CALCR: variants seen among roughly 807,000 people sequenced by gnomAD.
CALCR encodes the protein calcitonin receptor.
In CALCR, 47 loss-of-function variants were observed where a neutral mutation model predicts 59.5. That is an observed-to-expected ratio of 0.79 (90% confidence interval 0.63 to 1.01). CALCR has a LOEUF of 1.01. Ranked by LOEUF, CALCR falls within the 50% of genes least tolerant of loss-of-function variation. The probability of loss-of-function intolerance (pLI) is 0.00; values close to 1 mark genes in which losing one functional copy is unlikely to be tolerated. For missense variants in CALCR, 566 were observed against 597.1 expected (o/e 0.95, Z 0.54); for synonymous variants, 213 against 211.3 (o/e 1.01, Z -0.07).
At chr7:93,448,207 A>G (rs1172539003) in intron 8 of CALCR, among the ~76,000 whole-genome samples, 1 of 151,982 alleles carries the variant, frequency 6.6e-6, no homozygotes, top group Non-Finnish European at 1.5e-5. Context: ...CACACAAAAA[A>G]CTACTGCAAT....
At chr7:93,493,488 A>G (rs1419920483) in intron 2 of CALCR, among the ~76,000 whole-genome samples, 1 of 151,300 alleles carries the variant, frequency 6.6e-6, no homozygotes, top group Non-Finnish European at 1.5e-5. Flanking sequence ...TGTCCATCCT[A>G]TCTACTACCT....
chr7:93,479,197 A>T (rs544516123), intron 4 of CALCR, among the ~76,000 whole-genome samples, 157 bp downstream of exon 4: 8 of 151,938 alleles, frequency 5.3e-5, no homozygotes, highest in Non-Finnish European at 1.0e-4. Context: ...AATTAGGCAT[A>T]TGCACTGCAT....
At chr7:93,443,483 C>G (rs1043579927) in intron 9 of CALCR, 121 bp downstream of exon 9, 1 of 883,860 alleles carries the variant, frequency 1.1e-6, no homozygotes, top group South Asian at 1.7e-5. Context: ...TACCTGTGTT[C>G]CATCATTCCT....
Position 93,433,495 on chromosome 7 carries a change from C to T in CALCR, c.1191+758G>A, listed in dbSNP as rs183333915. Among the ~76,000 whole-genome samples, 200 of 152,248 alleles carry T rather than the reference C, an allele frequency of 1.3e-3. 2 individuals carry two copies. The highest frequency in any genetic ancestry group is 6.8e-4 in the Non-Finnish European group (46 of 68,008). ...ATCTGTGTTCCAGTCTGGGTTATAACCATAAGTGCATTTGTGACATTGGGT... is the reference window on the plus strand; with the variant it reads ...ATCTGTGTTCCAGTCTGGGTTATAATCATAAGTGCATTTGTGACATTGGGT... On this transcript the variant is annotated intron_variant, in intron 13 of 13. Coordinates refer to ENST00000426151, the MANE Select transcript of CALCR (RefSeq NM_001742.4).
intron 2 of CALCR, among the ~76,000 whole-genome samples, chr7:93,562,585 C>T (rs1789774047): frequency 6.6e-6 from 1 of 152,140 alleles, no homozygotes; most frequent in Non-Finnish European, 1.5e-5. Flanking sequence ...AGGAATCACC[C>T]ATGGTGCATT....
intron 2 of CALCR, among the ~76,000 whole-genome samples, chr7:93,557,727 G>T (rs1394409618): frequency 6.6e-6 from 1 of 151,814 alleles, no homozygotes; most frequent in African/African-American, 2.4e-5. Context: ...ATCAATATTT[G>T]TTTCTGAGTA....
At chr7:93,438,345 T>A in intron 9 of CALCR, 75 bp from the exon 10 acceptor site, 1 of 1,100,596 alleles carries the variant, frequency 9.1e-7, no homozygotes, top group Non-Finnish European at 1.4e-6. Flanking sequence ...TGGACAATGG[T>A]AGTGTACTTG....
chr7:93,441,646 G>A (rs561386998), intron 9 of CALCR: 15 of 419,150 alleles, frequency 3.6e-5, no homozygotes, highest in African/African-American at 2.1e-4. Context: ...ACCTGATGTG[G>A]AACCAGCAGG....
rs900267213 is a variant in CALCR, at chr7:93,438,351, A to T, written c.803-81T>A. On this transcript the variant is annotated intron_variant, in intron 9 of 13. Coordinates refer to ENST00000426151, the MANE Select transcript of CALCR (RefSeq NM_001742.4). The stretch of plus-strand genomic sequence containing the variant: ...ACAGCTGCATGGACAATGGTAGTGT[A>T]CTTGCAAAAATACTGGCAAATTGAG... 6.8e-6 allele frequency: 7 copies of T among 1,035,270 alleles called. No homozygotes were observed. In the African/African-American group the frequency reaches 9.5e-5, roughly 14 times the overall value. The allele number at this position is 1,035,270 out of a possible 1,614,324, so 64.1% of individuals were successfully genotyped here.
At chr7:93,471,195 A>G (rs1484911165) in intron 6 of CALCR, among the ~76,000 whole-genome samples, 1 of 151,832 alleles carries the variant, frequency 6.6e-6, no homozygotes, top group Non-Finnish European at 1.5e-5. Context: ...GACTTGCACT[A>G]CTTACAACAA....
intron 2 of CALCR, among the ~76,000 whole-genome samples, chr7:93,561,290 T>C (rs913720084): frequency 2.0e-5 from 3 of 152,094 alleles, no homozygotes; most frequent in Non-Finnish European, 2.9e-5. Flanking sequence ...ACTAATAACA[T>C]CATTTTTTTT....
chr7:93,500,486 G>A (rs2115998315), intron 2 of CALCR, among the ~76,000 whole-genome samples: 1 of 152,068 alleles, frequency 6.6e-6, no homozygotes, highest in African/African-American at 2.4e-5. Flanking sequence ...GTTAGCCACA[G>A]GCCCTGTTGT....
At chr7:93,429,204 A>G (rs966199058) in intron 13 of CALCR, among the ~76,000 whole-genome samples, 1 of 152,228 alleles carries the variant, frequency 6.6e-6, no homozygotes, top group Non-Finnish European at 1.5e-5. Flanking sequence ...AGCATAAAAA[A>G]GACACTTAAA....
At chr7:93,489,081 A>G (rs1489401526) in intron 2 of CALCR, among the ~76,000 whole-genome samples, 1 of 152,004 alleles carries the variant, frequency 6.6e-6, no homozygotes, top group Non-Finnish European at 1.5e-5. Flanking sequence ...ACCACAATGC[A>G]ATCAAATTAG....
intron 2 of CALCR, among the ~76,000 whole-genome samples, chr7:93,556,677 A>AT (rs151283108): frequency 0.035 from 5,282 of 151,664 alleles, 315 homozygotes; most frequent in African/African-American, 0.12. Flanking sequence ...ATATATATAT[A>AT]TTTTTTCCTG....
chr7:93,469,470 T>C (rs577519646), intron 6 of CALCR, among the ~76,000 whole-genome samples: 2 of 151,800 alleles, frequency 1.3e-5, no homozygotes, highest in African/African-American at 2.4e-5. Context: ...CCTTATAATG[T>C]AATTTTATCA....
At chr7:93,528,526 T>C (rs34901335) in intron 2 of CALCR, among the ~76,000 whole-genome samples, 42,602 of 152,034 alleles carry the variant, frequency 0.28, 7,105 homozygotes, top group Non-Finnish European at 0.38. Flanking sequence ...GAACATGCCG[T>C]GTTTGGTTTT....
intron 7 of CALCR, among the ~76,000 whole-genome samples, chr7:93,468,201 C>G (rs1365454886): frequency 6.6e-6 from 1 of 151,780 alleles, no homozygotes; most frequent in African/African-American, 2.4e-5. Context: ...CATAATTGTG[C>G]ACCATAAAAC....
chr7:93,543,734 G>A (rs1376014950), intron 2 of CALCR, among the ~76,000 whole-genome samples: 1 of 151,520 alleles, frequency 6.6e-6, no homozygotes, highest in Non-Finnish European at 1.5e-5. Context: ...TAGTTTTTTT[G>A]GCTAAGATTT....
Sources: gnomAD v4.1 joint callset for allele counts (sites outside exome capture counted in the v4.1 genomes callset) on GRCh38, gnomAD v4.1.1 for gene constraint, MANE v1.5 for transcripts, NCBI Gene and HGNC (gene_info 2026-07-23, HGNC 2026-07-21) for gene names.